The following SPIRE2 variants were observed in gnomAD, a reference collection of about 807,000 sequenced individuals.
The protein encoded by SPIRE2 is protein spire homolog 2.
Under a neutral mutation model 80.7 loss-of-function variants are expected in SPIRE2, and 76 were observed. The ratio of observed to expected loss-of-function variants is 0.94; its 90% CI spans 0.78 to 1.14. The LOEUF is 1.14. Among genes scored for constraint, SPIRE2 ranks in the 50% most tolerant of loss-of-function variants. The probability of loss-of-function intolerance (pLI) is 0.00; values close to 1 mark genes in which losing one functional copy is unlikely to be tolerated. For synonymous variants in SPIRE2, 535 were observed against 432.6 expected (o/e 1.24, Z -2.94); for missense variants, 1,196 against 1,015.3 (o/e 1.18, Z -2.42).
chr16:89,836,088 T>C, intron 1 of SPIRE2: 3 of 410,478 alleles, frequency 7.3e-6, no homozygotes, highest in Non-Finnish European at 1.0e-5. Flanking sequence ...GGCAGGAGAA[T>C]CGCTTGAATC....
Position 89,863,768 on chromosome 16 carries a change from G to A in SPIRE2, c.1711-26G>A, listed in dbSNP as rs868776372. On this transcript the variant is annotated intron_variant, in intron 11 of 14. Coordinates refer to ENST00000378247, the MANE Select transcript of SPIRE2 (RefSeq NM_032451.2). The surrounding 1 kb of genome is among the most constrained non-coding windows in gnomAD (Gnocchi z 4.3). ...ACCCCAGGGAGCTTTGGACAAAGCGGGGCTCTAACCAGTCTCTCCTGACAG... is the reference window on the plus strand; with the variant it reads ...ACCCCAGGGAGCTTTGGACAAAGCGAGGCTCTAACCAGTCTCTCCTGACAG... 1.5e-5 allele frequency: 25 copies of A among 1,613,420 alleles called. 1 individual carries two copies. The Middle Eastern group carries it at 2.3e-3, about 149-fold the overall frequency.
chr16:89,833,142 C>T (rs2041403851), intron 1 of SPIRE2, among the ~76,000 whole-genome samples: 1 of 152,116 alleles, frequency 6.6e-6, no homozygotes, highest in South Asian at 2.1e-4. Flanking sequence ...CAGGCATGTG[C>T]CACCGCACAT....
rs1443458905 is a variant in SPIRE2 at position 89,850,447 on chromosome 16, C to T, written c.432C>T (p.Ala144=). 2 of 1,570,740 alleles carry T rather than the reference C, an allele frequency of 1.3e-6. No individual in the cohort carries two copies. Among genetic ancestry groups the T allele is most frequent in the East Asian group, 2.3e-5 (1 of 43,626 alleles). The change falls in exon 3 of 15, where the codon GCC becomes GCT. Residue 144 remains alanine, a synonymous_variant. Coordinates refer to ENST00000378247, the MANE Select transcript of SPIRE2 (RefSeq NM_032451.2). ...NNDSEDSGCG[A]ADEGYGGPEE... Reference sequence around the variant, plus strand: ...ACAGCGAGGACAGCGGCTGCGGTGCCGCCGATGAGGGCTACGGGGGTCCCG... The same window carrying T: ...ACAGCGAGGACAGCGGCTGCGGTGCTGCCGATGAGGGCTACGGGGGTCCCG...
chr16:89,867,482 T>C (rs990434515), intron 12 of SPIRE2, among the ~76,000 whole-genome samples: 1 of 151,976 alleles, frequency 6.6e-6, no homozygotes, highest in African/African-American at 2.4e-5. Flanking sequence ...AGGTTTTTGT[T>C]TTTAAACTTT....
intron 1 of SPIRE2, among the ~76,000 whole-genome samples, chr16:89,834,761 C>T (rs1261193016): frequency 9.5e-6 from 1 of 105,410 alleles, no homozygotes; most frequent in Non-Finnish European, 2.0e-5. Flanking sequence ...CGCGGTTGGC[C>T]ATCGTAGAAG....
At chr16:89,834,287 C>G (rs1250619519) in intron 1 of SPIRE2, among the ~76,000 whole-genome samples, 9 of 136,536 alleles carry the variant, frequency 6.6e-5, no homozygotes, top group Non-Finnish European at 1.5e-4. Flanking sequence ...CCTGCCCGCG[C>G]TCGCGGTTGG....
In SPIRE2 at chr16:89,850,380, G is replaced by C; in HGVS notation, c.365G>C (p.Ser122Thr). 6.3e-7 allele frequency: 1 copy of C among 1,599,290 alleles called. No individual in the cohort carries two copies. Among genetic ancestry groups the C allele is most frequent in the Non-Finnish European group, 8.5e-7 (1 of 1,174,560 alleles). The change falls in exon 3 of 15, where the codon AGC becomes ACC. Residue 122 changes from serine (S) to threonine (T), a missense_variant. Transcript: ENST00000378247. ...GACGAGAGCGAGGAGCGCGAACTCA[G>C]CCCTCAGCTGGAGCGGCTCATCGAC... ...GLDESEEREL[S>T]PQLERLIDLM...
chr16:89,838,047 G>A lies in SPIRE2; in HGVS notation c.245-7275G>A, dbSNP rs200824682. On this transcript the variant is annotated intron_variant, in intron 1 of 14. Coordinates refer to ENST00000378247, the MANE Select transcript of SPIRE2 (RefSeq NM_032451.2). ...TTTTTTCTGAGACAAGTCTTGCTCT[G>A]TCACCCAGGCTGGAGTGCCTCAGCT... 8.6e-5 allele frequency among the ~76,000 whole-genome samples: 13 copies of A among 151,558 alleles called. No homozygotes were observed. In the East Asian group the frequency reaches 2.1e-3, roughly 25 times the overall value.
At chr16:89,867,113 G>GT (rs906169336) in intron 12 of SPIRE2, among the ~76,000 whole-genome samples, 67 of 148,314 alleles carry the variant, frequency 4.5e-4, no homozygotes, top group Middle Eastern at 7.1e-3. Context: ...CAGTGTGCAA[G>GT]TTTTTTTTTT....
chr16:89,858,775 C>T (rs760371499), intron 8 of SPIRE2, among the ~76,000 whole-genome samples: 1 of 152,230 alleles, frequency 6.6e-6, no homozygotes, highest in African/African-American at 2.4e-5. Context: ...AAGTGCCTCG[C>T]TGTCCCAGGC....
intron 12 of SPIRE2, among the ~76,000 whole-genome samples, chr16:89,865,831 G>A (rs530132961): frequency 6.6e-6 from 1 of 152,072 alleles, no homozygotes; most frequent in African/African-American, 2.4e-5. Flanking sequence ...AGCTGGGCGT[G>A]GTGGCGGGTG....
At chr16:89,855,832 C>A in intron 6 of SPIRE2, 146 bp downstream of exon 6, 1 of 939,956 alleles carries the variant, frequency 1.1e-6, no homozygotes, top group Non-Finnish European at 1.6e-6. Context: ...GGCGGGCTGG[C>A]TTCCTCTTGC....
Position 89,858,444 on chromosome 16 carries a change from G to T in SPIRE2, c.1209G>T (p.Pro403=). The change falls in exon 8 of 15, where the codon CCG becomes CCT. Residue 403 remains proline (P), a synonymous_variant. Coordinates refer to ENST00000378247, the MANE Select transcript of SPIRE2 (RefSeq NM_032451.2). ...ATGCTGGGGGCAGCGCCCAGCGCCC[G>T]CGGCCCCGCGTGCTGCTCAAGGCGC... is the stretch of plus-strand genomic sequence containing the variant. ...VTDAGGSAQR[P]RPRVLLKAPT... is the part of the protein sequence containing the mutation. The T allele has an allele frequency of 6.2e-7, 1 of 1,611,418 alleles. No individual in the cohort carries two copies. Among genetic ancestry groups the T allele is most frequent in the Non-Finnish European group, 8.5e-7 (1 of 1,179,438 alleles).
intron 1 of SPIRE2, among the ~76,000 whole-genome samples, chr16:89,839,749 G>A (rs1459014382): frequency 6.6e-6 from 1 of 152,226 alleles, no homozygotes; most frequent in Non-Finnish European, 1.5e-5. Context: ...GGGGTGGGGT[G>A]AAAAGGGGAG....
Position 89,850,523 on chromosome 16 carries a change from C to T in SPIRE2, c.508C>T (p.Gln170Ter). The T allele has an allele frequency of 6.6e-7, 1 of 1,523,132 alleles. No individual in the cohort carries two copies. Among genetic ancestry groups the T allele is most frequent in the Non-Finnish European group, 8.8e-7 (1 of 1,139,744 alleles). The allele number at this position is 1,523,132 out of a possible 1,614,324, so 94.4% of individuals were successfully genotyped here. A position where few individuals can be genotyped will look rare whatever the true frequency, so the allele number is the denominator to read the frequency against. ...GVPRSVRTFA[Q>*]AMRLCAARLT... ...CCCCCGCAGCGTGCGCACCTTTGCCCAGGCCATGCGGCTGTGCGCGGCGCG... is the reference window on the plus strand; with the variant it reads ...CCCCCGCAGCGTGCGCACCTTTGCCTAGGCCATGCGGCTGTGCGCGGCGCG... The change falls in exon 3 of 15, where the codon CAG becomes TAG. Residue 170 changes from glutamine to a stop codon, truncating the protein, a stop_gained. Coordinates refer to ENST00000378247, the MANE Select transcript of SPIRE2 (RefSeq NM_032451.2). LOFTEE classifies it high-confidence loss of function.
rs768912742 is a variant in SPIRE2, at chr16:89,863,862, G to T, written c.1778+1G>T. On this transcript the variant is annotated splice_donor_variant, in intron 12 of 14. Transcript: ENST00000378247. LOFTEE classifies it high-confidence loss of function. The surrounding 1 kb of genome is among the most constrained non-coding windows in gnomAD (Gnocchi z 4.3). ...CGCCCAGCTGTCTCTTCTGCAAGAG[G>T]TGAGCCTTCCCTTTAGCTGTCAGTT... 1 of 1,612,834 alleles carries T rather than the reference G, an allele frequency of 6.2e-7. No individual in the cohort carries two copies. The highest frequency in any genetic ancestry group is 1.1e-5 in the South Asian group (1 of 90,998).
intron 3 of SPIRE2, 38 bp from the exon 4 acceptor site, chr16:89,854,248 C>T (rs768667397): frequency 1.5e-5 from 24 of 1,595,022 alleles, no homozygotes; most frequent in East Asian, 2.3e-5. Flanking sequence ...CTGCCATTCT[C>T]GTACCTCCCC....
intron 9 of SPIRE2, among the ~76,000 whole-genome samples, chr16:89,860,206 C>A (rs553378036): frequency 1.3e-5 from 2 of 152,146 alleles, no homozygotes; most frequent in Non-Finnish European, 2.9e-5. Context: ...TCCTGTGGAC[C>A]CTCTATACCA....
chr16:89,848,496 G>T (rs939090797), intron 2 of SPIRE2, among the ~76,000 whole-genome samples: 62 of 142,756 alleles, frequency 4.3e-4, no homozygotes, highest in African/African-American at 1.4e-3. Context: ...GTTTCTGCAG[G>T]ACAGACGAGG....
Sources: allele counts gnomAD v4.1 joint callset (sites outside exome capture counted in the v4.1 genomes callset), GRCh38; gene constraint gnomAD v4.1.1; non-coding constraint Gnocchi (gnomAD v3.1); transcripts MANE v1.5; gene names NCBI Gene and HGNC (gene_info 2026-07-23, HGNC 2026-07-21).